Variants in ANO3 observed in about 807,000 individuals in gnomAD.
The protein encoded by ANO3 is anoctamin-3.
In ANO3, 99 loss-of-function variants were observed where a neutral mutation model predicts 144.8. That is an observed-to-expected ratio of 0.68 (90% CI 0.58 to 0.81). The LOEUF (loss-of-function observed/expected upper bound fraction) is 0.81, where lower values mean the gene tolerates loss of function less well. Ranked by LOEUF, ANO3 falls within the 30% of genes least tolerant of loss-of-function variation. The probability of loss-of-function intolerance (pLI) is 0.00; values close to 1 mark genes in which losing one functional copy is unlikely to be tolerated. For missense variants in ANO3, 905 were observed against 1,202.2 expected (o/e 0.75, Z 3.66); for synonymous variants, 414 against 392.6 (o/e 1.05, Z -0.64).
At chr11:26,277,020 C>A (rs1400547856) in intron 1 of ANO3, among the ~76,000 whole-genome samples, 3 of 152,098 alleles carry the variant, frequency 2.0e-5, no homozygotes, top group African/African-American at 7.2e-5. Context: ...AGCTTGCCCT[C>A]TAGTGGCTGC....
chr11:26,379,456 G>C (rs1856520624), intron 1 of ANO3, among the ~76,000 whole-genome samples: 1 of 152,100 alleles, frequency 6.6e-6, no homozygotes, highest in Non-Finnish European at 1.5e-5. Context: ...CTATGTGAGA[G>C]ATGACTGTGG....
At chr11:26,287,277 A>G (rs1039462671) in intron 1 of ANO3, 2 of 152,224 alleles carry the variant, frequency 1.3e-5, no homozygotes, top group African/African-American at 4.8e-5. Context: ...TGAATCCTGT[A>G]TTTAACTTCG....
intron 26 of ANO3, among the ~76,000 whole-genome samples, chr11:26,659,541 A>G (rs1349742795): frequency 1.3e-5 from 2 of 151,812 alleles, no homozygotes; most frequent in African/African-American, 4.8e-5. Flanking sequence ...AAATTTTTTA[A>G]AAAAAATTAT....
chr11:26,404,999 A>G (rs1471568991), intron 1 of ANO3, among the ~76,000 whole-genome samples: 10 of 150,046 alleles, frequency 6.7e-5, no homozygotes, highest in South Asian at 2.1e-4. Context: ...CTATATCTCT[A>G]TATTTATATT....
chr11:26,314,085 A>G (rs1854567492), intron 1 of ANO3, among the ~76,000 whole-genome samples: 1 of 152,066 alleles, frequency 6.6e-6, no homozygotes. Flanking sequence ...TTTAATTTCA[A>G]TGTGGCAAAT....
At chr11:26,506,349 T>C (rs1031674716) in intron 4 of ANO3, among the ~76,000 whole-genome samples, 1 of 152,216 alleles carries the variant, frequency 6.6e-6, no homozygotes, top group African/African-American at 2.4e-5. Context: ...TTCTGTGATA[T>C]CTGTATGTCA....
chr11:26,295,538 A>G (rs1854070146), intron 1 of ANO3, among the ~76,000 whole-genome samples: 1 of 149,792 alleles, frequency 6.7e-6, no homozygotes, highest in Non-Finnish European at 1.5e-5. Context: ...AAAAAAAAAA[A>G]AATTAATAGA....
chr11:26,366,717 T>G (rs1393363390), intron 1 of ANO3, among the ~76,000 whole-genome samples: 1 of 151,838 alleles, frequency 6.6e-6, no homozygotes, highest in Non-Finnish European at 1.5e-5. Context: ...TTTGCATTTC[T>G]CTGATGGCCA....
rs117082011 is a variant in ANO3, at chr11:26,394,282, G to A, written c.47-47636G>A. Among the ~76,000 whole-genome samples, 1,079 of 152,168 alleles carry A rather than the reference G, an allele frequency of 7.1e-3. 6 individuals carry two copies. The highest frequency in any genetic ancestry group is 0.012 in the Non-Finnish European group (795 of 67,984). ...GAAAAACCTCAGATGAATGAGAACT[G>A]AAAACAATTTAAAAAATCAGAGAAA... On this transcript the variant is annotated intron_variant, in intron 1 of 26. Coordinates refer to ENST00000256737, the MANE Select transcript of ANO3 (RefSeq NM_031418.4).
At chr11:26,607,104 T>C (rs566452659) in intron 17 of ANO3, among the ~76,000 whole-genome samples, 1 of 152,348 alleles carries the variant, frequency 6.6e-6, no homozygotes, top group East Asian at 1.9e-4. Context: ...GAATGTCAAA[T>C]ATTGGCCCCA....
intron 1 of ANO3, among the ~76,000 whole-genome samples, chr11:26,358,211 C>G: frequency 8.5e-6 from 1 of 118,184 alleles, no homozygotes; most frequent in South Asian, 2.7e-4. Flanking sequence ...CTCACTCTGT[C>G]GTCAGGCTGG....
At chr11:26,237,042 CAAGT>C (rs893488509) in intron 1 of ANO3, among the ~76,000 whole-genome samples, 27 of 151,844 alleles carry the variant, frequency 1.8e-4, no homozygotes, top group Non-Finnish European at 1.5e-5. Flanking sequence ...CCTACAATTC[CAAGT>C]AAGAGTAAAG....
At chr11:26,230,271 A>G (rs986054609) in intron 1 of ANO3, among the ~76,000 whole-genome samples, 1 of 152,202 alleles carries the variant, frequency 6.6e-6, no homozygotes, top group Non-Finnish European at 1.5e-5. Context: ...AGTGGCAGGA[A>G]CAATATGAAG....
intron 14 of ANO3, among the ~76,000 whole-genome samples, chr11:26,575,079 A>G (rs1850951997): frequency 1.3e-5 from 2 of 152,110 alleles, no homozygotes; most frequent in African/African-American, 2.4e-5. Flanking sequence ...TTCTATCTAT[A>G]TATTTATGTG....
chr11:26,639,295 AG>A, intron 21 of ANO3, 54 bp downstream of exon 21: 3 of 1,386,610 alleles, frequency 2.2e-6, no homozygotes, highest in Non-Finnish European at 3.1e-6. Flanking sequence ...GAGGAAAGCT[AG>A]AGGTGGCGTG....
intron 1 of ANO3, among the ~76,000 whole-genome samples, chr11:26,274,539 G>A (rs1853516836): frequency 6.6e-6 from 1 of 152,048 alleles, no homozygotes; most frequent in Admixed American, 6.6e-5. Context: ...TATTACCACA[G>A]CATAACTTTG....
At chr11:26,448,984 A>AATGATG (rs1438149505) in intron 3 of ANO3, among the ~76,000 whole-genome samples, 3 of 152,188 alleles carry the variant, frequency 2.0e-5, no homozygotes, top group African/African-American at 7.2e-5. Context: ...CTTTAATAAA[A>AATGATG]GGAAGATTAA....
In ANO3 at chr11:26,660,654, G is replaced by A; in HGVS notation, c.*210G>A. 1 of 486,428 alleles carries A rather than the reference G, an allele frequency of 2.1e-6. No homozygotes were observed. The highest frequency in any genetic ancestry group is 3.6e-6 in the Non-Finnish European group (1 of 280,494). 30.1% of individuals were successfully genotyped at this position (486,428 alleles called of 1,614,324 possible). ...GACTTGACGACCTTAAAAAGGGTTA[G>A]ATTGACATTGCAGGAAGCCAGGATG... On this transcript the variant is annotated 3_prime_UTR_variant, in exon 27 of 27. Transcript: ENST00000256737.
At chr11:26,599,432 T>A in intron 16 of ANO3, 118 bp from the exon 17 acceptor site, 2 of 1,050,070 alleles carry the variant, frequency 1.9e-6, no homozygotes, top group Non-Finnish European at 2.7e-6. Flanking sequence ...CTAGATATCC[T>A]TTCTTGGAAA....
Sources: allele counts gnomAD v4.1 joint callset (sites outside exome capture counted in the v4.1 genomes callset), GRCh38; gene constraint gnomAD v4.1.1; transcripts MANE v1.5; gene names NCBI Gene and HGNC (gene_info 2026-07-23, HGNC 2026-07-21).